Variants in ADAM12 observed in about 807,000 individuals in gnomAD.
The protein encoded by ADAM12 is ADAM metallopeptidase domain 12, also known as disintegrin and metalloproteinase domain-containing protein 12.
In ADAM12, 70 loss-of-function variants were observed where a neutral mutation model predicts 106.4. That is an observed-to-expected ratio of 0.66 (90% CI 0.54 to 0.80). The LOEUF (loss-of-function observed/expected upper bound fraction) is 0.80, where lower values mean the gene tolerates loss of function less well. ADAM12 is among the 30% of genes least tolerant of loss of function. ADAM12 has a pLI of 0.00. For synonymous variants in ADAM12, 420 were observed against 433.5 expected, an observed-to-expected ratio of 0.97 and a Z score of 0.39; for missense variants, 1,010 against 1,171.9, an observed-to-expected ratio of 0.86 and a Z score of 2.02.
At position 126,049,839 on chromosome 10, in the gene ADAM12, TC is replaced by T. The variant is rs1405592406; in HGVS notation, c.1610-171del. 1.3e-5 allele frequency among the ~76,000 whole-genome samples: 2 copies of T among 152,108 alleles called. No homozygotes were observed. The highest frequency in any genetic ancestry group is 2.9e-5 in the Non-Finnish European group (2 of 68,024). Reference sequence around the variant, plus strand: ...AGGGGAAGCCTAGGGTGTCAGCAGCTCGCATCCTCTCTTGACTCGGCCTCTG... The same window carrying T: ...AGGGGAAGCCTAGGGTGTCAGCAGCTGCATCCTCTCTTGACTCGGCCTCTG... On this transcript the variant is annotated intron_variant, in intron 14 of 22. Transcript: ENST00000448723. The surrounding 1 kb of genome is among the most constrained non-coding windows in gnomAD (Gnocchi z 4.4).
At chr10:126,051,401 A>G (rs1954478566) in intron 14 of ADAM12, among the ~76,000 whole-genome samples, 1 of 150,804 alleles carries the variant, frequency 6.6e-6, no homozygotes, top group African/African-American at 2.4e-5. Flanking sequence ...ATCCATTTAT[A>G]TACCCATCTA....
At chr10:126,108,466 G>C in intron 8 of ADAM12, 127 bp downstream of exon 8, 1 of 802,086 alleles carries the variant, frequency 1.2e-6, no homozygotes, top group Non-Finnish European at 2.0e-6. Context: ...TCAGAGGACA[G>C]GAAACAGTTC....
Position 126,050,974 on chromosome 10 carries a change from C to T in ADAM12, c.1610-1305G>A, listed in dbSNP as rs574471049. 1.1e-3 allele frequency among the ~76,000 whole-genome samples: 162 copies of T among 152,344 alleles called. 2 individuals are homozygous for T. Among genetic ancestry groups the T allele is most frequent in the African/African-American group, 3.8e-3 (156 of 41,578 alleles). ...TCATGGAGAAAGATGAGGTCCCTAG[C>T]TCCTCACATCACATGCCCTTTCCTT... On this transcript the variant is annotated intron_variant, in intron 14 of 22. Coordinates refer to ENST00000448723, the MANE Select transcript of ADAM12 (RefSeq NM_001288973.2).
chr10:126,203,835 T>C (rs895097515), intron 3 of ADAM12, among the ~76,000 whole-genome samples: 1 of 151,910 alleles, frequency 6.6e-6, no homozygotes, highest in Non-Finnish European at 1.5e-5. Flanking sequence ...GTGTTGGGAG[T>C]GTGGCTGCCT....
chr10:126,026,920 C>A (rs1326028699), intron 21 of ADAM12, among the ~76,000 whole-genome samples: 1 of 152,148 alleles, frequency 6.6e-6, no homozygotes, highest in Admixed American at 6.5e-5. Context: ...TAACCAAGAT[C>A]AGAGTGGAAC....
chr10:126,260,575 G>A (rs1958981801), intron 3 of ADAM12, among the ~76,000 whole-genome samples: 1 of 152,082 alleles, frequency 6.6e-6, no homozygotes, highest in African/African-American at 2.4e-5. Flanking sequence ...TGAACATACA[G>A]AGGTTGAAAC....
At chr10:126,307,948 G>A (rs1193413975) in intron 2 of ADAM12, among the ~76,000 whole-genome samples, 6 of 152,190 alleles carry the variant, frequency 3.9e-5, no homozygotes, top group Non-Finnish European at 8.8e-5. Flanking sequence ...GCTAGACACT[G>A]TGTATGGCAG....
At chr10:126,194,964 G>A (rs935761549) in intron 3 of ADAM12, among the ~76,000 whole-genome samples, 1 of 152,216 alleles carries the variant, frequency 6.6e-6, no homozygotes, top group South Asian at 2.1e-4. Context: ...TGATAGTCTT[G>A]TTACTTTAAG....
intron 1 of ADAM12, 99 bp downstream of exon 1, chr10:126,387,959 G>C (rs1356682471): frequency 2.6e-6 from 3 of 1,163,408 alleles, no homozygotes; most frequent in African/African-American, 1.6e-5. Context: ...GCCGGGGCGC[G>C]TCGCCCCTCG....
chr10:126,111,876 C>T (rs962177844), intron 6 of ADAM12, among the ~76,000 whole-genome samples: 29 of 152,164 alleles, frequency 1.9e-4, no homozygotes, highest in South Asian at 4.2e-4. Flanking sequence ...ATTATCCCCA[C>T]GTGATTTCCA....
chr10:126,371,552 G>A (rs1856114612), intron 1 of ADAM12, among the ~76,000 whole-genome samples: 1 of 152,122 alleles, frequency 6.6e-6, no homozygotes, highest in South Asian at 2.1e-4. Context: ...TCTTAGAGTG[G>A]AACATTTCTG....
intron 4 of ADAM12, among the ~76,000 whole-genome samples, chr10:126,144,218 T>C (rs922607740): frequency 3.3e-5 from 5 of 152,222 alleles, no homozygotes; most frequent in African/African-American, 1.2e-4. Flanking sequence ...ACGTCTGCAA[T>C]AGTGAGATCA....
rs1343510032 is a variant in ADAM12 at position 126,014,430 on chromosome 10, C to G, written c.*2849G>C. The G allele has an allele frequency of 2.7e-5, 4 of 149,062 alleles. No individual in the cohort carries two copies. Among genetic ancestry groups the G allele is most frequent in the Admixed American group, 1.3e-4 (2 of 14,848 alleles). 9.2% of individuals were successfully genotyped at this position (149,062 alleles called of 1,614,324 possible). A position where few individuals can be genotyped will look rare whatever the true frequency, so the allele number is the denominator to read the frequency against. On this transcript the variant is annotated 3_prime_UTR_variant, in exon 23 of 23. Transcript: ENST00000448723. ...AAGTTAAGAAGGCATAAAAATGCCCCCCCCCCGAGACTCGTCAGGAGTATT... is the reference window on the plus strand; with the variant it reads ...AAGTTAAGAAGGCATAAAAATGCCCGCCCCCCGAGACTCGTCAGGAGTATT...
intron 3 of ADAM12, among the ~76,000 whole-genome samples, chr10:126,259,860 G>C (rs1183514790): frequency 6.6e-6 from 1 of 152,216 alleles, no homozygotes; most frequent in Non-Finnish European, 1.5e-5. Context: ...GAGGGAAATC[G>C]AGTCAGCTCA....
intron 2 of ADAM12, among the ~76,000 whole-genome samples, chr10:126,289,146 G>A (rs961909098): frequency 6.6e-6 from 1 of 152,186 alleles, no homozygotes; most frequent in African/African-American, 2.4e-5. Flanking sequence ...CTTGGTGCCT[G>A]GGGGCTGGAT....
chr10:126,191,475 G>T (rs866754661), intron 3 of ADAM12, among the ~76,000 whole-genome samples: 1 of 152,040 alleles, frequency 6.6e-6, no homozygotes, highest in Non-Finnish European at 1.5e-5. Context: ...CTGGTTCAGC[G>T]CAGGGTCACT....
At chr10:126,345,163 T>C (rs1334899294) in intron 1 of ADAM12, among the ~76,000 whole-genome samples, 2 of 152,242 alleles carry the variant, frequency 1.3e-5, no homozygotes, top group Non-Finnish European at 2.9e-5. Flanking sequence ...TATGGGTTTG[T>C]CATAAATAGC....
intron 3 of ADAM12, among the ~76,000 whole-genome samples, chr10:126,184,219 T>C (rs1957361983): frequency 6.6e-6 from 1 of 152,208 alleles, no homozygotes; most frequent in Non-Finnish European, 1.5e-5. Flanking sequence ...AGAATTGAAA[T>C]ACCAGATAAA....
chr10:126,168,789 C>T, intron 3 of ADAM12, among the ~76,000 whole-genome samples: 1 of 152,280 alleles, frequency 6.6e-6, no homozygotes, highest in South Asian at 2.1e-4. Flanking sequence ...CGCGGTGGCT[C>T]ACACGGGAAT....
Sources: allele counts gnomAD v4.1 joint callset (sites outside exome capture counted in the v4.1 genomes callset), GRCh38; gene constraint gnomAD v4.1.1; non-coding constraint Gnocchi (gnomAD v3.1); transcripts MANE v1.5; gene names NCBI Gene and HGNC (gene_info 2026-07-23, HGNC 2026-07-21).